The following TECRL variants were observed in gnomAD, a reference collection of about 807,000 sequenced individuals.
TECRL encodes trans-2,3-enoyl-CoA reductase-like.
TECRL carries 63 observed loss-of-function variants against 52.8 expected under a neutral mutation model. The ratio of observed to expected loss-of-function variants is 1.19; its 90% CI spans 0.97 to 1.47. TECRL has a LOEUF of 1.47. TECRL is among the 40% of genes most tolerant of loss of function. The pLI is 0.00. For synonymous variants in TECRL, 164 were observed against 141.9 expected, an observed-to-expected ratio of 1.16 and a Z score of -1.10; for missense variants, 482 against 429.6, an observed-to-expected ratio of 1.12 and a Z score of -1.08.
chr4:64,401,974 A>G (rs976764612), intron 1 of TECRL, among the ~76,000 whole-genome samples: 1 of 152,174 alleles, frequency 6.6e-6, no homozygotes, highest in Admixed American at 6.5e-5. Context: ...CAAAGAAAAC[A>G]CAATTTATTC....
intron 2 of TECRL, among the ~76,000 whole-genome samples, chr4:64,337,144 T>G: frequency 6.6e-6 from 1 of 152,108 alleles, no homozygotes; most frequent in East Asian, 1.9e-4. Context: ...ATCAACATAA[T>G]CCAGCATATA....
At chr4:64,313,955 A>G (rs1316708183) in intron 5 of TECRL, among the ~76,000 whole-genome samples, 13 of 142,634 alleles carry the variant, frequency 9.1e-5, no homozygotes, top group Non-Finnish European at 7.7e-5. Flanking sequence ...AACACGGTGA[A>G]ATCCCGTCTC....
chr4:64,313,529 C>T (rs188366787), intron 5 of TECRL, among the ~76,000 whole-genome samples: 13 of 133,376 alleles, frequency 9.7e-5, no homozygotes, highest in Non-Finnish European at 1.7e-4. Context: ...TCCCCCAGGC[C>T]GGAGTGCAGT....
chr4:64,318,457 A>G (rs1031361747), intron 4 of TECRL, among the ~76,000 whole-genome samples: 11 of 151,916 alleles, frequency 7.2e-5, no homozygotes, highest in Non-Finnish European at 1.2e-4. Context: ...AATTATATGC[A>G]TGTGTGTGTG....
intron 1 of TECRL, among the ~76,000 whole-genome samples, chr4:64,381,906 T>G (rs1312785309): frequency 1.3e-5 from 2 of 151,970 alleles, no homozygotes; most frequent in African/African-American, 4.8e-5. Context: ...GGGGGATGTG[T>G]GCATGTGTGA....
At position 64,313,899 on chromosome 4, in the gene TECRL, C is replaced by T. The variant is rs551297597; in HGVS notation, c.551+749G>A. Reference sequence around the variant, plus strand: ...CTGTAATCCCAGCACTTTGGGAAGCCGAGGCGGGCGGATCACGAGGTCAGG... The same window carrying T: ...CTGTAATCCCAGCACTTTGGGAAGCTGAGGCGGGCGGATCACGAGGTCAGG... On this transcript the variant is annotated intron_variant, in intron 5 of 11. Transcript: ENST00000381210. 1.8e-3 allele frequency among the ~76,000 whole-genome samples: 262 copies of T among 145,424 alleles called. 3 individuals are homozygous for T. Among genetic ancestry groups the T allele is most frequent in the Non-Finnish European group, 8.4e-4 (56 of 66,418 alleles).
At chr4:64,367,172 G>T (rs374026546) in intron 2 of TECRL, among the ~76,000 whole-genome samples, 3 of 151,966 alleles carry the variant, frequency 2.0e-5, no homozygotes, top group Non-Finnish European at 4.4e-5. Flanking sequence ...CTTATAAGTG[G>T]GAGCAAAGCA....
At chr4:64,334,874 C>T (rs1718931469) in intron 2 of TECRL, among the ~76,000 whole-genome samples, 1 of 152,174 alleles carries the variant, frequency 6.6e-6, no homozygotes, top group Admixed American at 6.5e-5. Flanking sequence ...AATTTGTAAC[C>T]AGTGTGCTCA....
At chr4:64,291,974 A>G (rs1050973124) in intron 8 of TECRL, among the ~76,000 whole-genome samples, 3 of 152,016 alleles carry the variant, frequency 2.0e-5, no homozygotes, top group African/African-American at 7.2e-5. Context: ...TAAGGATTTT[A>G]AAGAGCAATA....
chr4:64,314,811 T>C, intron 4 of TECRL, 48 bp from the exon 5 acceptor site: 1 of 1,366,566 alleles, frequency 7.3e-7, no homozygotes, highest in Non-Finnish European at 1.0e-6. Context: ...TAGATGTTTT[T>C]AAGGTTCATT....
At chr4:64,305,369 C>A (rs1359096537) in intron 6 of TECRL, 131 bp from the exon 7 acceptor site, 3 of 676,212 alleles carry the variant, frequency 4.4e-6, no homozygotes, top group African/African-American at 3.6e-5. Flanking sequence ...GACACTGCAG[C>A]ATTTATATGT....
intron 2 of TECRL, among the ~76,000 whole-genome samples, chr4:64,339,824 C>G (rs1719423799): frequency 6.6e-6 from 1 of 152,144 alleles, no homozygotes. Flanking sequence ...CTCTCTAAAA[C>G]ATTCCTTGAT....
At chr4:64,305,789 C>T (rs998077943) in intron 6 of TECRL, among the ~76,000 whole-genome samples, 1 of 152,130 alleles carries the variant, frequency 6.6e-6, no homozygotes, top group East Asian at 1.9e-4. Context: ...AGATGCAACA[C>T]CCCCAGGGGG....
At chr4:64,301,405 C>A (rs1193087261) in intron 7 of TECRL, among the ~76,000 whole-genome samples, 1 of 151,084 alleles carries the variant, frequency 6.6e-6, no homozygotes, top group Non-Finnish European at 1.5e-5. Flanking sequence ...AGCCATAATT[C>A]TTTTATTTAT....
rs1424821554 is a variant in TECRL, at chr4:64,355,853, A to T, written c.286+19319T>A. 2.6e-5 allele frequency among the ~76,000 whole-genome samples: 4 copies of T among 151,884 alleles called. No homozygotes were observed. The East Asian group carries it at 7.7e-4, about 29-fold the overall frequency. On this transcript the variant is annotated intron_variant, in intron 2 of 11. Coordinates refer to ENST00000381210, the MANE Select transcript of TECRL (RefSeq NM_001010874.5). ...ATAAAAATATTTTAAAAATATATAC[A>T]TGGTATGGAGTTTCTGAAAACAATT...
rs67265016 is a variant in TECRL at position 64,403,873 on chromosome 4, CAA to C, written c.234+5243_234+5244del. Among the ~76,000 whole-genome samples the C allele has an allele frequency of 4.8e-3, 712 of 146,930 alleles. 10 individuals carry two copies. The highest frequency in any genetic ancestry group is 0.03 in the South Asian group (142 of 4,716). The stretch of plus-strand genomic sequence containing the variant: ...AGAGAAGGAAAAATGAAAAGAAAGA[CAA>C]AAAAAAAAAGATACTGTCATTTGCA... On this transcript the variant is annotated intron_variant, in intron 1 of 11. Transcript: ENST00000381210.
At chr4:64,331,972 C>T (rs1274936878) in intron 2 of TECRL, among the ~76,000 whole-genome samples, 2 of 152,132 alleles carry the variant, frequency 1.3e-5, no homozygotes, top group African/African-American at 4.8e-5. Context: ...TCATCCATCC[C>T]TCCTGCTGAG....
chr4:64,350,045 C>A (rs1421194754), intron 2 of TECRL, among the ~76,000 whole-genome samples: 1 of 147,430 alleles, frequency 6.8e-6, no homozygotes, highest in Non-Finnish European at 1.5e-5. Flanking sequence ...TGCTTTTCTG[C>A]ATTTTAACAT....
In TECRL at chr4:64,375,237, GAAAAT is replaced by G. The variant is rs763648590; in HGVS notation, c.235-19_235-15del. On this transcript the variant is annotated splice_polypyrimidine_tract_variant and intron_variant, in intron 1 of 11. Coordinates refer to ENST00000381210, the MANE Select transcript of TECRL (RefSeq NM_001010874.5). ...TGATTGTGTCACCTGAAAAGGAAAA[GAAAAT>G]AGAGTTATTTTTAAAAACTGTTAAT... is the stretch of plus-strand genomic sequence containing the variant. 58 of 1,325,532 alleles carry G rather than the reference GAAAAT, an allele frequency of 4.4e-5. No individual in the cohort carries two copies. The highest frequency in any genetic ancestry group is 5.8e-5 in the Non-Finnish European group (58 of 1,003,600). The allele number at this position is 1,325,532 out of a possible 1,614,324, so 82.1% of individuals were successfully genotyped here. A position where few individuals can be genotyped will look rare whatever the true frequency, so the allele number is the denominator to read the frequency against.
Sources: allele counts gnomAD v4.1 joint callset (sites outside exome capture counted in the v4.1 genomes callset), GRCh38; gene constraint gnomAD v4.1.1; transcripts MANE v1.5; gene names NCBI Gene and HGNC (gene_info 2026-07-23, HGNC 2026-07-21).